The following POU2F3 variants were observed in gnomAD, a reference collection of about 807,000 sequenced individuals.
POU2F3 encodes the protein POU class 2 homeobox 3, also known as POU domain, class 2, transcription factor 3.
POU2F3 carries 23 observed loss-of-function variants against 59.2 expected under a neutral mutation model. The observed-to-expected ratio is 0.39, with a 90% CI of 0.28 to 0.55. The LOEUF is 0.55. POU2F3 is among the 20% of genes least tolerant of loss of function. The pLI, the probability that POU2F3 is intolerant of heterozygous loss-of-function variation, is 0.66. For missense variants in POU2F3, 473 were observed against 544.5 expected (o/e 0.87, Z 1.31); for synonymous variants, 190 against 214.6 (o/e 0.89, Z 1.00).
chr11:120,272,229 G>A (rs2135203279), intron 3 of POU2F3, among the ~76,000 whole-genome samples: 2 of 152,320 alleles, frequency 1.3e-5, no homozygotes, highest in South Asian at 4.1e-4. Flanking sequence ...CTTTTTCAGA[G>A]AAGGATTTGA....
chr11:120,238,288 C>G (rs1393760212), upstream of POU2F3, among the ~76,000 whole-genome samples: 2 of 152,082 alleles, frequency 1.3e-5, no homozygotes, highest in African/African-American at 4.8e-5. Flanking sequence ...CTCCTCCCTT[C>G]TTTTCGGGAG....
chr11:120,281,117 T>A lies in POU2F3; in HGVS notation c.132+11873T>A, dbSNP rs562257778. On this transcript the variant is annotated intron_variant, in intron 3 of 12. Coordinates refer to ENST00000543440, the MANE Select transcript of POU2F3 (RefSeq NM_014352.4). ...AAACTTTTTCCACCTTAAAGCTTCC[T>A]TCCCCCTAGTCTGACCCTTAAGCGG... is the stretch of plus-strand genomic sequence containing the variant. Among the ~76,000 whole-genome samples, 17 of 152,250 alleles carry A rather than the reference T, an allele frequency of 1.1e-4. No homozygotes were observed. The South Asian group carries it at 3.5e-3, about 32-fold the overall frequency.
chr11:120,246,376 T>C, intron 1 of POU2F3, 73 bp from the exon 2 acceptor site: 1 of 1,421,920 alleles, frequency 7.0e-7, no homozygotes, highest in Non-Finnish European at 9.9e-7. Flanking sequence ...CTTTGTTATT[T>C]AGTTAAAGCC....
chr11:120,240,424 G>T, intron 1 of POU2F3, 53 bp downstream of exon 1: 1 of 1,338,648 alleles, frequency 7.5e-7, no homozygotes, highest in South Asian at 2.3e-5. Context: ...GTGGGCAGGG[G>T]TGAAGGAGAG....
chr11:120,306,023 T>G (rs1941476836), intron 8 of POU2F3, among the ~76,000 whole-genome samples: 1 of 152,148 alleles, frequency 6.6e-6, no homozygotes, highest in Non-Finnish European at 1.5e-5. Context: ...TCAGGATTTG[T>G]CCCCATTCCA....
chr11:120,317,114 G>A, intron 11 of POU2F3, 115 bp from the exon 12 acceptor site: 1 of 1,266,220 alleles, frequency 7.9e-7, no homozygotes, highest in Non-Finnish European at 1.1e-6. Flanking sequence ...GCTAGGGAGA[G>A]GGTGAGGTCC....
intron 10 of POU2F3, among the ~76,000 whole-genome samples, chr11:120,309,960 C>T (rs1268838416): frequency 6.6e-6 from 1 of 151,960 alleles, no homozygotes; most frequent in Non-Finnish European, 1.5e-5. Context: ...AGAAAGGGGA[C>T]CAGAAGTAGG....
At chr11:120,241,998 A>T (rs1420863794) in intron 1 of POU2F3, among the ~76,000 whole-genome samples, 1 of 152,144 alleles carries the variant, frequency 6.6e-6, no homozygotes, top group Non-Finnish European at 1.5e-5. Context: ...GTGAGCAGGT[A>T]TTCCCGACAC....
chr11:120,240,441 C>T, intron 1 of POU2F3, 70 bp downstream of exon 1: 1 of 1,299,440 alleles, frequency 7.7e-7, no homozygotes, highest in Non-Finnish European at 9.9e-7. Flanking sequence ...AGAGGGACAA[C>T]GTTCTGGTTA....
chr11:120,311,249 T>C (rs1941642161), intron 10 of POU2F3, among the ~76,000 whole-genome samples: 1 of 152,190 alleles, frequency 6.6e-6, no homozygotes, highest in Admixed American at 6.5e-5. Flanking sequence ...TCATAGGATA[T>C]TGGCATGATA....
upstream of POU2F3, chr11:120,240,080 G>A: frequency 1.8e-6 from 2 of 1,121,438 alleles, no homozygotes; most frequent in Non-Finnish European, 2.2e-6. Flanking sequence ...GCCAGGCGCG[G>A]GGCTCCTGCC....
chr11:120,268,014 C>T (rs10892557), intron 2 of POU2F3, among the ~76,000 whole-genome samples: 36,599 of 151,610 alleles, frequency 0.24, 6,180 homozygotes, highest in East Asian at 0.84. Flanking sequence ...GTGAAAATGA[C>T]TCTGCTAACA....
At chr11:120,237,924 G>T (rs948347759), upstream of POU2F3, among the ~76,000 whole-genome samples, 14 of 152,272 alleles carry the variant, frequency 9.2e-5, no homozygotes, top group Admixed American at 8.5e-4. Flanking sequence ...AGCCCTTGCT[G>T]GTCTCTTTCC....
At chr11:120,260,548 C>G (rs373178504) in intron 2 of POU2F3, among the ~76,000 whole-genome samples, 1 of 152,222 alleles carries the variant, frequency 6.6e-6, no homozygotes, top group Non-Finnish European at 1.5e-5. Context: ...AATCCTGGGG[C>G]TCCCCAGAAT....
chr11:120,287,835 C>T (rs960314063), intron 3 of POU2F3, among the ~76,000 whole-genome samples: 1 of 152,074 alleles, frequency 6.6e-6, no homozygotes, highest in Non-Finnish European at 1.5e-5. Context: ...AGTAGCCAAC[C>T]TATTTAGACA....
chr11:120,297,284 C>T (rs1345966236), intron 3 of POU2F3, among the ~76,000 whole-genome samples: 1 of 152,224 alleles, frequency 6.6e-6, no homozygotes, highest in African/African-American at 2.4e-5. Context: ...CACTTCCTGC[C>T]CTGCCCTGGG....
chr11:120,278,242 G>C (rs984347048), intron 3 of POU2F3, among the ~76,000 whole-genome samples: 1 of 152,194 alleles, frequency 6.6e-6, no homozygotes. Flanking sequence ...AGTTGTATGG[G>C]ATGCAAAGAA....
At chr11:120,314,177 C>T (rs1458125020) in intron 10 of POU2F3, among the ~76,000 whole-genome samples, 1 of 152,208 alleles carries the variant, frequency 6.6e-6, no homozygotes, top group Non-Finnish European at 1.5e-5. Context: ...TGAGGAGGCT[C>T]ATTGTATAAG....
intron 2 of POU2F3, among the ~76,000 whole-genome samples, chr11:120,246,976 CT>C (rs1938903874): frequency 1.3e-5 from 2 of 152,110 alleles, no homozygotes; most frequent in South Asian, 4.1e-4. Flanking sequence ...GAGAGAAAGG[CT>C]TGGTGCCTGG....
Sources: allele counts gnomAD v4.1 joint callset (sites outside exome capture counted in the v4.1 genomes callset), GRCh38; gene constraint gnomAD v4.1.1; transcripts MANE v1.5; gene names NCBI Gene and HGNC (gene_info 2026-07-23, HGNC 2026-07-21).